Variants in GPR161 observed in about 807,000 individuals in gnomAD.
The protein encoded by GPR161 is G-protein coupled receptor RE2.
Under a neutral mutation model 39.2 loss-of-function variants are expected in GPR161, and 25 were observed. The ratio of observed to expected loss-of-function variants is 0.64; its 90% confidence interval spans 0.47 to 0.89. The LOEUF is 0.89. Ranked by LOEUF, GPR161 falls within the 40% of genes least tolerant of loss-of-function variation. The pLI is 0.00. For missense variants in GPR161, 547 were observed against 677.8 expected, an observed-to-expected ratio of 0.81 and a Z score of 2.14; for synonymous variants, 286 against 276.6, an observed-to-expected ratio of 1.03 and a Z score of -0.34.
chr1:168,102,917 A>ATTTTT (rs1232090030), intron 2 of GPR161, among the ~76,000 whole-genome samples: 42 of 152,136 alleles, frequency 2.8e-4, no homozygotes, highest in African/African-American at 9.6e-4. Flanking sequence ...TTTTTTAAAA[A>ATTTTT]AAAATTATAT....
At chr1:168,125,867 C>T (rs11805243) in intron 1 of GPR161, among the ~76,000 whole-genome samples, 16,825 of 152,168 alleles carry the variant, frequency 0.11, 1,079 homozygotes, top group East Asian at 0.19. Context: ...CTGCCCGCCT[C>T]GGCCTCCCAA....
chr1:168,102,922 T>C (rs1014542407), intron 2 of GPR161, among the ~76,000 whole-genome samples: 2 of 151,604 alleles, frequency 1.3e-5, no homozygotes, highest in African/African-American at 4.8e-5. Flanking sequence ...TAAAAAAAAA[T>C]TATATAATCA....
chr1:168,096,221 A>G (rs905698210), intron 3 of GPR161, among the ~76,000 whole-genome samples: 1 of 151,448 alleles, frequency 6.6e-6, no homozygotes, highest in Non-Finnish European at 1.5e-5. Flanking sequence ...GGTTTCAGAA[A>G]GCAGATTTCT....
intron 1 of GPR161, among the ~76,000 whole-genome samples, chr1:168,115,565 A>C (rs1476015231): frequency 6.6e-6 from 1 of 152,064 alleles, no homozygotes. Flanking sequence ...TTCACAAGCC[A>C]CAGCAAGGAA....
At position 168,104,680 on chromosome 1, in the gene GPR161, G is replaced by A. The variant is rs770935772; in HGVS notation, c.171C>T (p.Tyr57=). 3.7e-6 allele frequency: 6 copies of A among 1,613,580 alleles called. No homozygotes were observed. Among genetic ancestry groups the A allele is most frequent in the Admixed American group, 3.3e-5 (2 of 60,008 alleles). The part of the protein sequence containing the change: ...VIVVTLYKKS[Y]LLTLSNKFVF... Reference sequence around the variant, plus strand: ...CGAACTTGTTGCTGAGGGTGAGGAGGTAGGACTTCTTGTACAAGGTGACCA... The same window carrying A: ...CGAACTTGTTGCTGAGGGTGAGGAGATAGGACTTCTTGTACAAGGTGACCA... The change falls in exon 2 of 6, where the codon TAC becomes TAT. Residue 57 remains tyrosine (Y), a synonymous_variant. Transcript: ENST00000682931.
Position 168,104,656 on chromosome 1 carries a change from G to T in GPR161, c.195C>A (p.Phe65Leu), listed in dbSNP as rs781674595. 6.2e-7 allele frequency: 1 copy of T among 1,613,894 alleles called. No homozygotes were observed. Among genetic ancestry groups the T allele is most frequent in the Non-Finnish European group, 8.5e-7 (1 of 1,179,894 alleles). Residue 65 changes from phenylalanine to leucine, a missense_variant, in exon 2 of 6, where the codon TTC becomes TTA. Coordinates refer to ENST00000682931, the MANE Select transcript of GPR161 (RefSeq NM_001375883.1). ...AGTTGGACAGAGTCAGGCTGAAGAC[G>T]AACTTGTTGCTGAGGGTGAGGAGGT... is the stretch of plus-strand genomic sequence containing the variant. Reference protein sequence around the residue: ...KSYLLTLSNKFVFSLTLSNFL... With the variant: ...KSYLLTLSNKLVFSLTLSNFL...
At chr1:168,119,883 G>A (rs1366326956) in intron 1 of GPR161, among the ~76,000 whole-genome samples, 4 of 152,100 alleles carry the variant, frequency 2.6e-5, no homozygotes, top group Middle Eastern at 3.4e-3. Flanking sequence ...TGAGCATTGG[G>A]AACCTCTATC....
Position 168,136,792 on chromosome 1 carries a change from C to T in GPR161, c.-98G>A. The T allele has an allele frequency of 6.1e-6, 6 of 986,140 alleles. No individual in the cohort carries two copies. The highest frequency in any genetic ancestry group is 7.2e-6 in the Non-Finnish European group (6 of 830,670). 61.1% of individuals were successfully genotyped at this position (986,140 alleles called of 1,614,324 possible). ...CCCCGGCCCAGCCGCCTCCCCGCCT[C>T]GGCCACCGCCGCCGCCGCTTCCTTC... is the stretch of plus-strand genomic sequence containing the variant. On this transcript the variant is annotated 5_prime_UTR_variant, in exon 1 of 6. Coordinates refer to ENST00000682931, the MANE Select transcript of GPR161 (RefSeq NM_001375883.1).
At chr1:168,095,618 C>T (rs776455489) in intron 3 of GPR161, among the ~76,000 whole-genome samples, 3 of 152,110 alleles carry the variant, frequency 2.0e-5, no homozygotes, top group Non-Finnish European at 4.4e-5. Context: ...CATGATGCTT[C>T]GATGGAAGGC....
At chr1:168,112,762 C>T (rs1247160655) in intron 1 of GPR161, among the ~76,000 whole-genome samples, 3 of 152,050 alleles carry the variant, frequency 2.0e-5, no homozygotes, top group Admixed American at 1.3e-4. Flanking sequence ...GAGGCTGAGG[C>T]AGGAGAATCA....
chr1:168,135,964 T>C (rs1699323610), intron 1 of GPR161: 2 of 1,021,528 alleles, frequency 2.0e-6, no homozygotes, highest in East Asian at 7.3e-5. Flanking sequence ...GCTATGTGGT[T>C]ACTGGTGAGC....
intron 1 of GPR161, among the ~76,000 whole-genome samples, chr1:168,114,247 T>TG (rs1697444219): frequency 6.6e-6 from 1 of 152,212 alleles, no homozygotes; most frequent in African/African-American, 2.4e-5. Flanking sequence ...ATATTGCTGT[T>TG]GCTCTGCACT....
intron 1 of GPR161, among the ~76,000 whole-genome samples, chr1:168,115,978 T>C (rs36049842): frequency 0.032 from 4,834 of 152,158 alleles, 122 homozygotes; most frequent in Middle Eastern, 0.075. Context: ...GGGGTTTCAC[T>C]GTGTTAGCCA....
Position 168,080,163 on chromosome 1 carries a change from G to A in GPR161, c.*5368C>T, listed in dbSNP as rs1443410067. 6.6e-6 allele frequency: 1 copy of A among 152,090 alleles called. No homozygotes were observed. Among genetic ancestry groups the A allele is most frequent in the African/African-American group, 2.4e-5 (1 of 41,394 alleles). 9.4% of individuals were successfully genotyped at this position (152,090 alleles called of 1,614,324 possible). ...CAGTGAGTCCAGTCACTTTCCTTGG[G>A]CCTTCAGTTTTTTTTAGGTCTGGCC... On this transcript the variant is annotated 3_prime_UTR_variant, in exon 6 of 6. Transcript: ENST00000682931.
intron 3 of GPR161, 94 bp from the exon 4 acceptor site, chr1:168,090,762 G>C: frequency 1.7e-6 from 1 of 590,492 alleles, no homozygotes; most frequent in South Asian, 2.2e-5. Context: ...CTGCCCTTCT[G>C]TTCGCCCTTG....
rs1392138429 is a variant in GPR161 at position 168,085,210 on chromosome 1, G to A, written c.*321C>T. 6.6e-6 allele frequency: 3 copies of A among 454,590 alleles called. No homozygotes were observed. Among genetic ancestry groups the A allele is most frequent in the African/African-American group, 2.0e-5 (1 of 50,488 alleles). The allele number at this position is 454,590 out of a possible 1,614,324, so 28.2% of individuals were successfully genotyped here. A position where few individuals can be genotyped will look rare whatever the true frequency, so the allele number is the denominator to read the frequency against. On this transcript the variant is annotated 3_prime_UTR_variant, in exon 6 of 6. Coordinates refer to ENST00000682931, the MANE Select transcript of GPR161 (RefSeq NM_001375883.1). Reference sequence around the variant, plus strand: ...TCTCCTTCCAAGCCCTTCGTCTCTGGTCCTCCCATGCCCCACCTCCCAAAA... The same window carrying A: ...TCTCCTTCCAAGCCCTTCGTCTCTGATCCTCCCATGCCCCACCTCCCAAAA...
intron 3 of GPR161, among the ~76,000 whole-genome samples, chr1:168,094,380 T>C (rs1286948194): frequency 1.3e-5 from 2 of 152,152 alleles, no homozygotes; most frequent in Non-Finnish European, 2.9e-5. Flanking sequence ...ACAGGTCATA[T>C]GTGAAAATGT....
At chr1:168,125,622 C>A (rs562698600) in intron 1 of GPR161, among the ~76,000 whole-genome samples, 113 of 137,506 alleles carry the variant, frequency 8.2e-4, no homozygotes, top group African/African-American at 3.0e-3. Flanking sequence ...TGCTTCCCCC[C>A]CCTTTTTTTT....
intron 1 of GPR161, among the ~76,000 whole-genome samples, chr1:168,124,595 A>G (rs1344071645): frequency 2.0e-5 from 3 of 152,198 alleles, no homozygotes; most frequent in Non-Finnish European, 4.4e-5. Context: ...ACAGTCACTC[A>G]GCTAGTGGGT....
Sources: allele counts gnomAD v4.1 joint callset (sites outside exome capture counted in the v4.1 genomes callset), GRCh38; gene constraint gnomAD v4.1.1; transcripts MANE v1.5; gene names NCBI Gene and HGNC (gene_info 2026-07-23, HGNC 2026-07-21).